Variants in DPYSL3 observed in about 807,000 individuals in gnomAD.
DPYSL3 encodes dihydropyrimidinase like 3, also known as dihydropyrimidinase-related protein 3.
DPYSL3 carries 16 observed loss-of-function variants against 66.1 expected under a neutral mutation model. That is an observed-to-expected ratio of 0.24 (90% CI 0.16 to 0.37). The LOEUF (loss-of-function observed/expected upper bound fraction) is 0.37, where lower values mean the gene tolerates loss of function less well. DPYSL3 is among the 10% of genes least tolerant of loss of function. The pLI is 1.00. For synonymous variants in DPYSL3, 338 were observed against 345.1 expected, an observed-to-expected ratio of 0.98 and a Z score of 0.23; for missense variants, 738 against 916.2, an observed-to-expected ratio of 0.81 and a Z score of 2.51.
chr5:147,499,588 T>G (rs1034477075), intron 1 of DPYSL3, among the ~76,000 whole-genome samples: 4 of 152,194 alleles, frequency 2.6e-5, no homozygotes, highest in African/African-American at 9.7e-5. Context: ...TATTCCTTGC[T>G]CATGGACAGG....
chr5:147,493,008 T>C (rs1204537377), intron 1 of DPYSL3, among the ~76,000 whole-genome samples: 1 of 152,176 alleles, frequency 6.6e-6, no homozygotes, highest in Non-Finnish European at 1.5e-5. Flanking sequence ...AGAAATACCA[T>C]GCTAACACTA....
intron 1 of DPYSL3, among the ~76,000 whole-genome samples, chr5:147,493,946 A>C (rs1353417003): frequency 6.6e-6 from 1 of 152,156 alleles, no homozygotes; most frequent in Non-Finnish European, 1.5e-5. Flanking sequence ...TAAGCCCAAC[A>C]CTTTGGGAGG....
At chr5:147,420,733 C>A (rs148174986) in intron 2 of DPYSL3, among the ~76,000 whole-genome samples, 1 of 152,314 alleles carries the variant, frequency 6.6e-6, no homozygotes, top group East Asian at 1.9e-4. Flanking sequence ...TTTAACTCAA[C>A]CTTCTCTCCA....
chr5:147,406,858 C>T (rs116822003), intron 7 of DPYSL3, among the ~76,000 whole-genome samples: 1 of 152,302 alleles, frequency 6.6e-6, no homozygotes, highest in East Asian at 1.9e-4. Context: ...ATAATGCAAA[C>T]CAGTCACTGT....
At position 147,509,998 on chromosome 5, in the gene DPYSL3, C is replaced by G. The variant is rs1753737377; in HGVS notation, c.-140G>C. The G allele has an allele frequency of 1.8e-5, 24 of 1,326,248 alleles. No individual in the cohort carries two copies. Among genetic ancestry groups the G allele is most frequent in the South Asian group, 9.4e-5 (6 of 63,866 alleles). The allele number at this position is 1,326,248 out of a possible 1,614,324, so 82.2% of individuals were successfully genotyped here. ...CGCGCCAGAGGCGGCAGTGCTGCTC[C>G]GATTCCTGCTTGTCCCTAGCGAGCC... On this transcript the variant is annotated 5_prime_UTR_variant, in exon 1 of 14. Coordinates refer to ENST00000343218, the MANE Select transcript of DPYSL3 (RefSeq NM_001197294.2). The surrounding 1 kb of genome is among the most constrained non-coding windows in gnomAD (Gnocchi z 5.3).
rs1466319231 is a variant in DPYSL3 at position 147,439,972 on chromosome 5, A to C, written c.382-15009T>G. Among the ~76,000 whole-genome samples the C allele has an allele frequency of 2.0e-5, 3 of 152,322 alleles. No homozygotes were observed. In the East Asian group the frequency reaches 5.8e-4, roughly 29 times the overall value. Reference sequence around the variant, plus strand: ...AGGCAGCTTCGACAGAGCCATCTGCATTCAATATTGAAAGTGCTTCATAGT... The same window carrying C: ...AGGCAGCTTCGACAGAGCCATCTGCCTTCAATATTGAAAGTGCTTCATAGT... On this transcript the variant is annotated intron_variant, in intron 1 of 13. Transcript: ENST00000343218.
chr5:147,494,883 T>C (rs1266403979), intron 1 of DPYSL3, among the ~76,000 whole-genome samples: 1 of 51,590 alleles, frequency 1.9e-5, no homozygotes, highest in East Asian at 3.5e-4. Context: ...CATCTCAAAA[T>C]AATAATAATA....
chr5:147,471,775 T>C (rs1241538606), intron 1 of DPYSL3, among the ~76,000 whole-genome samples: 5 of 152,092 alleles, frequency 3.3e-5, no homozygotes, highest in African/African-American at 9.7e-5. Context: ...AATGACAGTG[T>C]CAACTTTAGG....
chr5:147,400,663 G>A, intron 10 of DPYSL3, 29 bp downstream of exon 10: 1 of 1,608,632 alleles, frequency 6.2e-7, no homozygotes, highest in South Asian at 1.1e-5. Flanking sequence ...TTTGGCTCTG[G>A]CCACCCTCCC....
At chr5:147,411,785 T>G (rs1265484386) in intron 6 of DPYSL3, among the ~76,000 whole-genome samples, 1 of 152,202 alleles carries the variant, frequency 6.6e-6, no homozygotes, top group African/African-American at 2.4e-5. Flanking sequence ...CAAGTATTAG[T>G]GAGCTATGGA....
intron 13 of DPYSL3, among the ~76,000 whole-genome samples, chr5:147,394,502 A>G (rs573518613): frequency 1.2e-4 from 18 of 152,344 alleles, no homozygotes; most frequent in Non-Finnish European, 1.8e-4. Flanking sequence ...TCTGTTTTAC[A>G]GAGGAGATAA....
At position 147,393,223 on chromosome 5, in the gene DPYSL3, A is replaced by G. The variant is rs142183802; in HGVS notation, c.*812T>C. 2.0e-5 allele frequency: 3 copies of G among 152,408 alleles called. No homozygotes were observed. Among genetic ancestry groups the G allele is most frequent in the African/African-American group, 7.2e-5 (3 of 41,556 alleles). 9.4% of individuals were successfully genotyped at this position (152,408 alleles called of 1,614,324 possible). A position where few individuals can be genotyped will look rare whatever the true frequency, so the allele number is the denominator to read the frequency against. On this transcript the variant is annotated 3_prime_UTR_variant, in exon 14 of 14. Transcript: ENST00000343218. ...TCAGCTGCTGGCTTTTAAGAGCACCAAAGAGGCAGGGAGGGCAAGAGGAAG... is the reference window on the plus strand; with the variant it reads ...TCAGCTGCTGGCTTTTAAGAGCACCGAAGAGGCAGGGAGGGCAAGAGGAAG...
intron 7 of DPYSL3, among the ~76,000 whole-genome samples, chr5:147,407,455 C>T (rs1013083727): frequency 1.3e-5 from 2 of 152,068 alleles, no homozygotes; most frequent in South Asian, 2.1e-4. Flanking sequence ...GCTGGAAATC[C>T]GTCTTGCCAG....
intron 1 of DPYSL3, among the ~76,000 whole-genome samples, chr5:147,470,055 T>C (rs921602412): frequency 6.6e-6 from 1 of 152,182 alleles, no homozygotes; most frequent in African/African-American, 2.4e-5. Flanking sequence ...CCACATGCAA[T>C]GATACTGATG....
intron 1 of DPYSL3, among the ~76,000 whole-genome samples, chr5:147,463,662 C>G (rs975852145): frequency 1.6e-4 from 25 of 152,118 alleles, no homozygotes; most frequent in Non-Finnish European, 1.5e-5. Context: ...GCACAATGGG[C>G]ATATGATTAG....
chr5:147,487,760 C>G (rs937022545), intron 1 of DPYSL3, among the ~76,000 whole-genome samples: 3 of 152,156 alleles, frequency 2.0e-5, no homozygotes, highest in African/African-American at 7.2e-5. Flanking sequence ...GACTCCTATT[C>G]TAGATCATTG....
intron 1 of DPYSL3, among the ~76,000 whole-genome samples, chr5:147,504,386 A>G (rs897575000): frequency 6.6e-6 from 1 of 152,230 alleles, no homozygotes; most frequent in Non-Finnish European, 1.5e-5. Context: ...AACACTTCCA[A>G]GTTTGGGGAA....
intron 1 of DPYSL3, chr5:147,453,645 C>A: frequency 6.6e-7 from 1 of 1,505,846 alleles, no homozygotes; most frequent in Non-Finnish European, 8.9e-7. Context: ...CTCCGGCTCG[C>A]CCGCGCCTTC....
chr5:147,422,491 C>T (rs934653547), intron 2 of DPYSL3, among the ~76,000 whole-genome samples: 4 of 152,072 alleles, frequency 2.6e-5, no homozygotes, highest in South Asian at 2.1e-4. Flanking sequence ...CCCAGCAATC[C>T]CATTACTGGG....
Sources: allele counts gnomAD v4.1 joint callset (sites outside exome capture counted in the v4.1 genomes callset), GRCh38; gene constraint gnomAD v4.1.1; non-coding constraint Gnocchi (gnomAD v3.1); transcripts MANE v1.5; gene names NCBI Gene and HGNC (gene_info 2026-07-23, HGNC 2026-07-21).